Variants in SIK3 observed in about 807,000 individuals in gnomAD.
SIK3 encodes SIK family kinase 3.
In SIK3, 28 loss-of-function variants were observed where a neutral mutation model predicts 144.2. The ratio of observed to expected loss-of-function variants is 0.19; its 90% CI spans 0.14 to 0.27. The LOEUF (loss-of-function observed/expected upper bound fraction) is 0.27, where lower values mean the gene tolerates loss of function less well. Among genes scored for constraint, SIK3 ranks in the 10% least tolerant of loss-of-function variants. The pLI is 1.00. For missense variants in SIK3, 1,319 were observed against 1,776.0 expected (o/e 0.74, Z 4.62); for synonymous variants, 686 against 676.3 (o/e 1.01, Z -0.22).
intron 6 of SIK3, among the ~76,000 whole-genome samples, chr11:116,890,028 G>C (rs926359077): frequency 6.6e-6 from 1 of 152,166 alleles, no homozygotes; most frequent in Non-Finnish European, 1.5e-5. Flanking sequence ...GTCAGTGTTC[G>C]AACAACCCTA....
intron 1 of SIK3, among the ~76,000 whole-genome samples, chr11:116,980,078 T>C (rs762921462): frequency 1.3e-5 from 2 of 152,218 alleles, no homozygotes; most frequent in Non-Finnish European, 2.9e-5. Context: ...TTCCACTGTA[T>C]TTTTCGCTGC....
At chr11:116,907,749 G>A (rs370236519) in intron 4 of SIK3, among the ~76,000 whole-genome samples, 1 of 152,090 alleles carries the variant, frequency 6.6e-6, no homozygotes, top group East Asian at 1.9e-4. Context: ...AATTCCCAAA[G>A]ACACATAATG....
At chr11:116,919,987 G>A (rs1407047901) in intron 4 of SIK3, among the ~76,000 whole-genome samples, 1 of 152,024 alleles carries the variant, frequency 6.6e-6, no homozygotes, top group Non-Finnish European at 1.5e-5. Flanking sequence ...TTACCAGGAG[G>A]CCCTTCCCTT....
chr11:116,998,501 C>T (rs61905689), intron 1 of SIK3, among the ~76,000 whole-genome samples: 35,254 of 150,494 alleles, frequency 0.23, 4,762 homozygotes, highest in African/African-American at 0.36. Flanking sequence ...AATTGACAAC[C>T]GCTCTTGGAA....
At chr11:116,962,981 T>C in intron 1 of SIK3, among the ~76,000 whole-genome samples, 1 of 152,034 alleles carries the variant, frequency 6.6e-6, no homozygotes, top group East Asian at 1.9e-4. Flanking sequence ...GCCAACAGGC[T>C]ACATAATTAA....
chr11:117,086,994 CAAAAAAA>C lies in SIK3; in HGVS notation c.273+11142_273+11148del, dbSNP rs907856897. On this transcript the variant is annotated intron_variant, in intron 1 of 24. Transcript: ENST00000445177. The stretch of plus-strand genomic sequence containing the variant: ...TGGACAACAGAGCGAGACTCCATCT[CAAAAAAA>C]AAAAAAAAAAAAATCAATGGTTTGG... 1.5e-4 allele frequency among the ~76,000 whole-genome samples: 10 copies of C among 66,748 alleles called. No homozygotes were observed. In the South Asian group the frequency reaches 3.4e-3, roughly 23 times the overall value. 43.8% of individuals were successfully genotyped at this position (66,748 alleles called of 152,430 possible).
chr11:116,849,153 T>A lies in SIK3; in HGVS notation c.3786A>T (p.Arg1262Ser). 2 of 1,610,872 alleles carry A rather than the reference T, an allele frequency of 1.2e-6. No homozygotes were observed. Among genetic ancestry groups the A allele is most frequent in the African/African-American group, 2.7e-5 (2 of 74,948 alleles). The change falls in exon 22 of 25, where the codon AGA becomes AGT. Residue 1262 changes from arginine (R) to serine (S), a missense_variant. Transcript: ENST00000445177. The surrounding 1 kb of genome is among the most constrained non-coding windows in gnomAD (Gnocchi z 4.2). ...HEHHRPRALQRHHTIQNSDDA... is the reference protein window; with the variant it reads ...HEHHRPRALQSHHTIQNSDDA... Reference sequence around the variant, plus strand: ...CGTCGCTGTTCTGGATCGTGTGGTGTCTCTGGAGGGCCCGGGGCCTGTGGT... The same window carrying A: ...CGTCGCTGTTCTGGATCGTGTGGTGACTCTGGAGGGCCCGGGGCCTGTGGT...
At chr11:116,917,528 A>G (rs1010689956) in intron 4 of SIK3, among the ~76,000 whole-genome samples, 5 of 151,836 alleles carry the variant, frequency 3.3e-5, no homozygotes, top group African/African-American at 1.2e-4. Context: ...GAGCAGCAAA[A>G]CGAGTCCCAT....
At chr11:117,077,058 A>G (rs1393345394) in intron 1 of SIK3, among the ~76,000 whole-genome samples, 2 of 152,190 alleles carry the variant, frequency 1.3e-5, no homozygotes, top group Non-Finnish European at 2.9e-5. Context: ...CAGGAAACTG[A>G]GATGGGAGGA....
At chr11:116,984,402 G>A (rs1950256334) in intron 1 of SIK3, among the ~76,000 whole-genome samples, 1 of 152,166 alleles carries the variant, frequency 6.6e-6, no homozygotes. Context: ...AAGGCTACAT[G>A]GATGCAAATT....
chr11:116,897,026 CAAA>C (rs5795057), intron 5 of SIK3, among the ~76,000 whole-genome samples, 164 bp downstream of exon 5: 74 of 102,678 alleles, frequency 7.2e-4, no homozygotes, highest in Non-Finnish European at 7.7e-4. Flanking sequence ...GACTCTGTTT[CAAA>C]AAAAAAAAAA....
At chr11:116,884,280 G>A (rs1944695998) in intron 6 of SIK3, among the ~76,000 whole-genome samples, 1 of 151,530 alleles carries the variant, frequency 6.6e-6, no homozygotes, top group South Asian at 2.1e-4. Flanking sequence ...TCGAACCCCT[G>A]GGCTCAAGTG....
At chr11:116,879,181 T>C (rs1944421513) in intron 6 of SIK3, among the ~76,000 whole-genome samples, 2 of 152,306 alleles carry the variant, frequency 1.3e-5, no homozygotes, top group South Asian at 4.1e-4. Flanking sequence ...ATTGTGAAAA[T>C]TTTTTTAAAA....
At chr11:117,030,296 G>T (rs1487126345) in intron 1 of SIK3, among the ~76,000 whole-genome samples, 1 of 152,122 alleles carries the variant, frequency 6.6e-6, no homozygotes, top group Non-Finnish European at 1.5e-5. Flanking sequence ...CCTGACAGAA[G>T]TTTACATACA....
intron 1 of SIK3, among the ~76,000 whole-genome samples, chr11:117,060,841 C>G (rs1419159613): frequency 1.3e-5 from 2 of 152,124 alleles, no homozygotes; most frequent in Non-Finnish European, 2.9e-5. Flanking sequence ...ATGTACCACA[C>G]TAATGCAAGA....
At chr11:116,951,126 A>G (rs1948914877) in intron 3 of SIK3, among the ~76,000 whole-genome samples, 1 of 152,198 alleles carries the variant, frequency 6.6e-6, no homozygotes, top group South Asian at 2.1e-4. Flanking sequence ...TACCTTATAC[A>G]GACCTGGAAC....
At chr11:116,854,422 G>C (rs1399106294) in intron 21 of SIK3, among the ~76,000 whole-genome samples, 2 of 152,220 alleles carry the variant, frequency 1.3e-5, no homozygotes, top group African/African-American at 4.8e-5. Flanking sequence ...ATGCTAAGAA[G>C]ATCACACTAG....
intron 1 of SIK3, among the ~76,000 whole-genome samples, chr11:117,001,156 T>C (rs1378520490): frequency 6.6e-6 from 1 of 152,266 alleles, no homozygotes; most frequent in Admixed American, 6.5e-5. Context: ...CACTTGACTG[T>C]ATGACTATCT....
intron 1 of SIK3, among the ~76,000 whole-genome samples, chr11:117,096,879 A>T (rs945583726): frequency 2.0e-5 from 3 of 152,192 alleles, no homozygotes; most frequent in Admixed American, 2.0e-4. Flanking sequence ...GGCTAGGCTG[A>T]GGAGGTGAGG....
Sources: allele counts gnomAD v4.1 joint callset (sites outside exome capture counted in the v4.1 genomes callset), GRCh38; gene constraint gnomAD v4.1.1; non-coding constraint Gnocchi (gnomAD v3.1); transcripts MANE v1.5; gene names NCBI Gene and HGNC (gene_info 2026-07-23, HGNC 2026-07-21).